The following DHX15 variants were observed in gnomAD, a reference collection of about 807,000 sequenced individuals.
DHX15 encodes the protein ATP-dependent RNA helicase DHX15.
A neutral mutation model predicts 94.4 loss-of-function variants in DHX15; 11 were observed. The observed-to-expected ratio is 0.12, with a 90% CI of 0.07 to 0.19. The LOEUF (loss-of-function observed/expected upper bound fraction) is 0.19, where lower values mean the gene tolerates loss of function less well. Among genes scored for constraint, DHX15 ranks in the 10% least tolerant of loss-of-function variants. The pLI is 1.00. For synonymous variants in DHX15, 338 were observed against 329.9 expected (o/e 1.02, Z -0.27); for missense variants, 304 against 988.5 (o/e 0.31, Z 9.29).
At chr4:24,555,592 ACT>A (rs1239561042) in intron 4 of DHX15, among the ~76,000 whole-genome samples, 1 of 152,006 alleles carries the variant, frequency 6.6e-6, no homozygotes, top group East Asian at 1.9e-4. Flanking sequence ...TAAGAGTCTC[ACT>A]CTGTCACCAG....
At chr4:24,541,466 T>C (rs1465247574) in intron 8 of DHX15, among the ~76,000 whole-genome samples, 1 of 152,108 alleles carries the variant, frequency 6.6e-6, no homozygotes, top group Non-Finnish European at 1.5e-5. Flanking sequence ...GATATGCCAA[T>C]GAGAGGCCCT....
intron 3 of DHX15, among the ~76,000 whole-genome samples, chr4:24,558,073 C>T (rs1004926361): frequency 6.6e-6 from 1 of 151,792 alleles, no homozygotes; most frequent in Non-Finnish European, 1.5e-5. Flanking sequence ...CCTCTTGATA[C>T]TCAGTGCTCA....
At chr4:24,562,268 T>C (rs1237838327) in intron 3 of DHX15, among the ~76,000 whole-genome samples, 2 of 152,080 alleles carry the variant, frequency 1.3e-5, no homozygotes, top group Admixed American at 6.5e-5. Flanking sequence ...AAAAGGCATC[T>C]ATTATAAATG....
At chr4:24,570,617 A>T in intron 3 of DHX15, 37 bp downstream of exon 3, 1 of 1,589,994 alleles carries the variant, frequency 6.3e-7, no homozygotes, top group Non-Finnish European at 8.6e-7. Flanking sequence ...AATGGCAAGC[A>T]GAGGACTAAA....
intron 3 of DHX15, among the ~76,000 whole-genome samples, chr4:24,558,927 C>A (rs1437434515): frequency 6.6e-6 from 1 of 152,094 alleles, no homozygotes; most frequent in African/African-American, 2.4e-5. Flanking sequence ...CACAAAGTCC[C>A]AGATAAAGGA....
In DHX15 at chr4:24,529,029, T is replaced by G. The variant is rs550140884; in HGVS notation, c.2270+572A>C. Among the ~76,000 whole-genome samples the G allele has an allele frequency of 1.6e-4, 25 of 152,100 alleles. No individual in the cohort carries two copies. In the South Asian group the frequency reaches 5.0e-3, roughly 30 times the overall value. ...AAAAAATTAAAAAAAAACCCTTTTT[T>G]AAAAGTATGTCTGAGAGACAGGGTC... On this transcript the variant is annotated intron_variant, in intron 13 of 13. Transcript: ENST00000336812.
intron 11 of DHX15, among the ~76,000 whole-genome samples, chr4:24,536,363 T>C (rs929053849): frequency 4.6e-5 from 7 of 152,184 alleles, no homozygotes; most frequent in African/African-American, 1.7e-4. Flanking sequence ...AAAATAACTT[T>C]CTAAATTATT....
chr4:24,528,884 C>CA (rs1014131592), intron 13 of DHX15, among the ~76,000 whole-genome samples: 47 of 145,142 alleles, frequency 3.2e-4, no homozygotes, highest in African/African-American at 1.1e-3. Flanking sequence ...TGTAATGGGA[C>CA]AAAAAAAATG....
chr4:24,577,459 A>G (rs892527180), intron 1 of DHX15, among the ~76,000 whole-genome samples: 3 of 152,314 alleles, frequency 2.0e-5, no homozygotes, highest in Non-Finnish European at 4.4e-5. Flanking sequence ...CTTGCATTTT[A>G]ACCTAAACAG....
In DHX15 at chr4:24,527,642, A is replaced by G. The variant is rs1460772543; in HGVS notation, c.*282T>C. On this transcript the variant is annotated 3_prime_UTR_variant, in exon 14 of 14. Coordinates refer to ENST00000336812, the MANE Select transcript of DHX15 (RefSeq NM_001358.3). The stretch of plus-strand genomic sequence containing the variant: ...TCACATTTTAGAAGCATTTTCAACC[A>G]TTTCTAAAGAAATGCTTATAACATT... The G allele has an allele frequency of 3.5e-5, 10 of 283,984 alleles. No homozygotes were observed. The highest frequency in any genetic ancestry group is 5.9e-5 in the Non-Finnish European group (9 of 151,570). 17.6% of individuals were successfully genotyped at this position (283,984 alleles called of 1,614,324 possible).
intron 12 of DHX15, among the ~76,000 whole-genome samples, chr4:24,532,660 A>T (rs1258482329): frequency 1.3e-5 from 2 of 152,244 alleles, no homozygotes; most frequent in East Asian, 3.8e-4. Flanking sequence ...TTAGCCATTT[A>T]GTACATTAAT....
At chr4:24,582,101 G>A (rs1259737998) in intron 1 of DHX15, among the ~76,000 whole-genome samples, 1 of 152,116 alleles carries the variant, frequency 6.6e-6, no homozygotes, top group Non-Finnish European at 1.5e-5. Context: ...TTGCATGGCA[G>A]TCAACAAGTG....
At chr4:24,546,676 CTGT>C (rs1205894712) in intron 6 of DHX15, among the ~76,000 whole-genome samples, 17 of 152,174 alleles carry the variant, frequency 1.1e-4, no homozygotes, top group African/African-American at 3.9e-4. Context: ...GTTTAAAAGG[CTGT>C]TTTTTATTAG....
At chr4:24,553,033 A>G (rs1404657968) in intron 5 of DHX15, among the ~76,000 whole-genome samples, 3 of 152,238 alleles carry the variant, frequency 2.0e-5, no homozygotes, top group African/African-American at 7.2e-5. Flanking sequence ...TTTAAAAAAT[A>G]AAAATATGGC....
At chr4:24,569,738 G>T (rs764382764) in intron 3 of DHX15, among the ~76,000 whole-genome samples, 1 of 152,032 alleles carries the variant, frequency 6.6e-6, no homozygotes, top group Non-Finnish European at 1.5e-5. Flanking sequence ...AAAACCTCAG[G>T]GAGAAGATCA....
intron 2 of DHX15, among the ~76,000 whole-genome samples, chr4:24,573,362 T>G (rs1020605930): frequency 6.6e-6 from 1 of 152,220 alleles, no homozygotes; most frequent in African/African-American, 2.4e-5. Context: ...ATACTACCTA[T>G]AATACATCAA....
chr4:24,584,285 A>G, intron 1 of DHX15, 38 bp downstream of exon 1: 1 of 1,593,380 alleles, frequency 6.3e-7, no homozygotes. Flanking sequence ...ACCCCAACAA[A>G]GCCCGAGCTG....
At chr4:24,575,366 A>G (rs773104027) in intron 2 of DHX15, among the ~76,000 whole-genome samples, 25 of 152,334 alleles carry the variant, frequency 1.6e-4, no homozygotes, top group Middle Eastern at 6.8e-3. Flanking sequence ...CAAAGTTTCT[A>G]CAATGATCAG....
chr4:24,559,875 T>C (rs777238938), intron 3 of DHX15, among the ~76,000 whole-genome samples: 1 of 152,206 alleles, frequency 6.6e-6, no homozygotes, highest in African/African-American at 2.4e-5. Context: ...TGATGATTGC[T>C]AAAGTTTAAG....
Sources: allele counts gnomAD v4.1 joint callset (sites outside exome capture counted in the v4.1 genomes callset), GRCh38; gene constraint gnomAD v4.1.1; transcripts MANE v1.5; gene names NCBI Gene and HGNC (gene_info 2026-07-23, HGNC 2026-07-21).